The following XYLT1 variants were observed in gnomAD, a reference collection of about 807,000 sequenced individuals.
XYLT1 encodes the protein xylosyltransferase 1, also known as beta-D-xylosyltransferase 1.
Under a neutral mutation model 91.3 loss-of-function variants are expected in XYLT1, and 36 were observed. The observed-to-expected ratio is 0.39, with a 90% CI of 0.30 to 0.52. XYLT1 has a LOEUF of 0.52. Ranked by LOEUF, XYLT1 falls within the 20% of genes least tolerant of loss-of-function variation. The pLI, the probability that XYLT1 is intolerant of heterozygous loss-of-function variation, is 0.68. For missense variants in XYLT1, 1,242 were observed against 1,284.5 expected (o/e 0.97, Z 0.51); for synonymous variants, 588 against 532.0 (o/e 1.11, Z -1.45).
intron 1 of XYLT1, among the ~76,000 whole-genome samples, chr16:17,379,751 T>TCACA (rs1460172438): frequency 2.4e-5 from 3 of 124,446 alleles, no homozygotes; most frequent in African/African-American, 6.4e-5. Context: ...TCTCTCTCTC[T>TCACA]CTCTCTCTCT....
chr16:17,102,931 A>T lies in XYLT1; in HGVS notation c.*5764T>A, dbSNP rs1966725924. ...AGGCCTCTAAAACAAATACCCAAACAAATGCTATTGACAACATAATATTTA... is the reference window on the plus strand; with the variant it reads ...AGGCCTCTAAAACAAATACCCAAACTAATGCTATTGACAACATAATATTTA... On this transcript the variant is annotated 3_prime_UTR_variant, in exon 12 of 12. Transcript: ENST00000261381. 1 of 152,698 alleles carries T rather than the reference A, an allele frequency of 6.5e-6. No homozygotes were observed. The highest frequency in any genetic ancestry group is 1.9e-4 in the East Asian group (1 of 5,188). 9.5% of individuals were successfully genotyped at this position (152,698 alleles called of 1,614,324 possible).
intron 1 of XYLT1, among the ~76,000 whole-genome samples, chr16:17,381,890 T>C (rs1286599832): frequency 1.3e-5 from 2 of 152,042 alleles, no homozygotes; most frequent in African/African-American, 2.4e-5. Context: ...ACAGTGGCAA[T>C]GGATGTGGGC....
At chr16:17,335,611 T>C (rs1017453839) in intron 2 of XYLT1, among the ~76,000 whole-genome samples, 5 of 151,732 alleles carry the variant, frequency 3.3e-5, no homozygotes, top group Non-Finnish European at 7.4e-5. Context: ...GGAGAATCGC[T>C]TTAACCCGGA....
At position 17,200,648 on chromosome 16, in the gene XYLT1, G is replaced by A. The variant is rs1273740224; in HGVS notation, c.920C>T (p.Ala307Val). 4.3e-6 allele frequency: 7 copies of A among 1,612,348 alleles called. No individual in the cohort carries two copies. The highest frequency in any genetic ancestry group is 5.9e-6 in the Non-Finnish European group (7 of 1,178,600). The change falls in exon 4 of 12, where the codon GCC becomes GTC. Residue 307 changes from alanine (A) to valine (V), a missense_variant. Ala to Val is a moderately conservative substitution (Grantham distance 64). This residue lies in a region of XYLT1 where 437 missense variants were observed against 411.5 expected (regional missense o/e 1.06). Transcript: ENST00000261381. The stretch of plus-strand genomic sequence containing the variant: ...CTCGTCCCACTGCACGTTCTTGTTG[G>A]CTTTACCTGGGGAAAATCCAAGAGA... ...VTRFCPLEGK[A>V]NKNVQWDEDS...
At chr16:17,404,623 A>C (rs1255738745) in intron 1 of XYLT1, among the ~76,000 whole-genome samples, 4 of 152,212 alleles carry the variant, frequency 2.6e-5, no homozygotes, top group Non-Finnish European at 5.9e-5. Context: ...TCATGCATGC[A>C]ACAACAGATG....
intron 10 of XYLT1, among the ~76,000 whole-genome samples, chr16:17,118,518 T>G (rs922818705): frequency 2.0e-5 from 3 of 152,038 alleles, no homozygotes; most frequent in Admixed American, 1.3e-4. Flanking sequence ...TTCAAATAGG[T>G]TTCCTAGGAA....
Position 17,383,229 on chromosome 16 carries a change from A to G in XYLT1, c.364-25179T>C, listed in dbSNP as rs114530789. Among the ~76,000 whole-genome samples, 1,105 of 151,712 alleles carry G rather than the reference A, an allele frequency of 7.3e-3. 18 individuals are homozygous for G. The highest frequency in any genetic ancestry group is 0.025 in the African/African-American group (1,016 of 41,468). ...ACAGCAGCTTCACATCTTCCTCCTCATTTTGCACGGCCCATTCTCTCTGCC... is the reference window on the plus strand; with the variant it reads ...ACAGCAGCTTCACATCTTCCTCCTCGTTTTGCACGGCCCATTCTCTCTGCC... On this transcript the variant is annotated intron_variant, in intron 1 of 11. Coordinates refer to ENST00000261381, the MANE Select transcript of XYLT1 (RefSeq NM_022166.4).
intron 1 of XYLT1, among the ~76,000 whole-genome samples, chr16:17,440,549 A>C (rs1404185618): frequency 6.6e-6 from 1 of 152,178 alleles, no homozygotes; most frequent in Admixed American, 6.5e-5. Context: ...AGGCCTGTGG[A>C]CCTGAGTTCC....
rs1050669501 is a variant in XYLT1, at chr16:17,428,350, G to A, written c.363+42084C>T. Among the ~76,000 whole-genome samples, 10 of 152,228 alleles carry A rather than the reference G, an allele frequency of 6.6e-5. No homozygotes were observed. In the East Asian group the frequency reaches 1.2e-3, roughly 18 times the overall value. ...TTGAGGGTGCAGCACAAGCTCTGGC[G>A]GCAGAGCTTACACCTGACCCTGTCA... is the stretch of plus-strand genomic sequence containing the variant. On this transcript the variant is annotated intron_variant, in intron 1 of 11. Coordinates refer to ENST00000261381, the MANE Select transcript of XYLT1 (RefSeq NM_022166.4).
chr16:17,319,635 T>G (rs2034687243), intron 2 of XYLT1, among the ~76,000 whole-genome samples: 2 of 152,038 alleles, frequency 1.3e-5, no homozygotes, highest in South Asian at 2.1e-4. Flanking sequence ...TACAGTCAGT[T>G]TCACCATATT....
intron 2 of XYLT1, among the ~76,000 whole-genome samples, chr16:17,305,701 C>A (rs1413608315): frequency 1.3e-5 from 2 of 152,080 alleles, no homozygotes; most frequent in Non-Finnish European, 1.5e-5. Flanking sequence ...GACGTGAATA[C>A]CTTCTTTCTT....
At chr16:17,246,708 G>A (rs939143312) in intron 3 of XYLT1, among the ~76,000 whole-genome samples, 6 of 152,234 alleles carry the variant, frequency 3.9e-5, no homozygotes, top group Non-Finnish European at 5.9e-5. Flanking sequence ...CATTCAGGAA[G>A]TGCCTAAGAA....
intron 2 of XYLT1, among the ~76,000 whole-genome samples, chr16:17,336,167 A>G (rs1358561971): frequency 6.6e-6 from 1 of 152,214 alleles, no homozygotes; most frequent in African/African-American, 2.4e-5. Context: ...TACCTGATTA[A>G]ATCACCGAAG....
intron 1 of XYLT1, among the ~76,000 whole-genome samples, chr16:17,425,428 G>A (rs1267096017): frequency 6.6e-6 from 1 of 151,866 alleles, no homozygotes; most frequent in South Asian, 2.1e-4. Context: ...TCCAAATGTC[G>A]ACCCACTCTA....
chr16:17,438,699 AGAAGGT>A (rs2036493906), intron 1 of XYLT1, among the ~76,000 whole-genome samples: 1 of 152,102 alleles, frequency 6.6e-6, no homozygotes, highest in Non-Finnish European at 1.5e-5. Context: ...CAATCATGGC[AGAAGGT>A]GAAGGGGAAG....
intron 1 of XYLT1, among the ~76,000 whole-genome samples, chr16:17,457,329 A>C (rs1038974544): frequency 1.3e-5 from 2 of 152,144 alleles, no homozygotes; most frequent in African/African-American, 4.8e-5. Context: ...TCTAGCACCC[A>C]CCTTCATTGG....
intron 2 of XYLT1, among the ~76,000 whole-genome samples, chr16:17,335,076 TC>T (rs2034958754): frequency 6.6e-6 from 1 of 151,178 alleles, no homozygotes; most frequent in African/African-American, 2.4e-5. Flanking sequence ...AATACAAAAA[TC>T]AGCCGGGCAT....
intron 1 of XYLT1, among the ~76,000 whole-genome samples, chr16:17,381,421 CTTTTTTTTTTTT>C (rs11299875): frequency 6.9e-5 from 9 of 130,112 alleles, no homozygotes; most frequent in Admixed American, 1.5e-4. Context: ...AAGGCAACAC[CTTTTTTTTTTTT>C]TTTTTTTTTG....
intron 5 of XYLT1, among the ~76,000 whole-genome samples, chr16:17,169,492 AG>A (rs1411131955): frequency 6.6e-6 from 1 of 152,200 alleles, no homozygotes; most frequent in Non-Finnish European, 1.5e-5. Flanking sequence ...CCTTTCTAAG[AG>A]GCAGTTTATC....
Sources: gnomAD v4.1 joint callset for allele counts (sites outside exome capture counted in the v4.1 genomes callset) on GRCh38, gnomAD v4.1.1 for gene constraint, gnomAD v4.1.1 regional missense constraint, MANE v1.5 for transcripts, NCBI Gene and HGNC (gene_info 2026-07-23, HGNC 2026-07-21) for gene names.